Variants in ITGA9 observed in about 807,000 individuals in gnomAD.
ITGA9 encodes integrin subunit alpha 9, also known as integrin alpha-9.
Under a neutral mutation model 127.8 loss-of-function variants are expected in ITGA9, and 56 were observed. That is an observed-to-expected ratio of 0.44 (90% confidence interval 0.35 to 0.55). The LOEUF (loss-of-function observed/expected upper bound fraction) is 0.55. Ranked by LOEUF, ITGA9 falls within the 20% of genes least tolerant of loss-of-function variation. ITGA9 has a pLI of 0.00. For synonymous variants in ITGA9, 508 were observed against 514.5 expected (o/e 0.99, Z 0.17); for missense variants, 1,196 against 1,347.1 (o/e 0.89, Z 1.76).
intron 1 of ITGA9, among the ~76,000 whole-genome samples, chr3:37,464,823 C>T (rs1270150102): frequency 6.6e-6 from 1 of 152,206 alleles, no homozygotes; most frequent in East Asian, 1.9e-4. Flanking sequence ...CTCCATTGGG[C>T]AAGCATTGGT....
At chr3:37,717,839 G>C (rs1244190882) in intron 18 of ITGA9, among the ~76,000 whole-genome samples, 4 of 152,202 alleles carry the variant, frequency 2.6e-5, no homozygotes, top group African/African-American at 7.2e-5. Flanking sequence ...TCCAGTATTG[G>C]ATTCCATAAT....
intron 15 of ITGA9, among the ~76,000 whole-genome samples, chr3:37,607,114 C>G (rs762702816): frequency 1.4e-4 from 21 of 151,732 alleles, no homozygotes; most frequent in Non-Finnish European, 2.5e-4. Flanking sequence ...TCCTGAGTAA[C>G]TGGATCTATA....
rs572308628 is a variant in ITGA9 at position 37,818,971 on chromosome 3, G to A, written c.3090G>A (p.Trp1030Ter). The A allele has an allele frequency of 6.2e-7, 1 of 1,613,622 alleles. No homozygotes were observed. The highest frequency in any genetic ancestry group is 2.2e-5 in the East Asian group (1 of 44,876). ...AAGAGAATGAAGACAGTTGGGACTGGGTCCAGAAAAACCAGTGAGCTGCCA... is the reference window on the plus strand; with the variant it reads ...AAGAGAATGAAGACAGTTGGGACTGAGTCCAGAAAAACCAGTGAGCTGCCA... ...NRKENEDSWD[W>*]VQKNQ The change falls in exon 28 of 28, where the codon TGG becomes TGA. Residue 1030 changes from tryptophan (W) to a stop codon, truncating the protein, a stop_gained. Coordinates refer to ENST00000264741, the MANE Select transcript of ITGA9 (RefSeq NM_002207.3). LOFTEE classifies it high-confidence loss of function.
At chr3:37,500,356 A>AG (rs528408009) in intron 5 of ITGA9, among the ~76,000 whole-genome samples, 4 of 152,206 alleles carry the variant, frequency 2.6e-5, no homozygotes, top group Non-Finnish European at 5.9e-5. Flanking sequence ...GCTTCCTTCA[A>AG]GGGGGGTAGG....
At chr3:37,603,077 A>T (rs762313695) in intron 15 of ITGA9, among the ~76,000 whole-genome samples, 9 of 152,208 alleles carry the variant, frequency 5.9e-5, no homozygotes, top group Non-Finnish European at 1.3e-4. Flanking sequence ...GCTACACCCT[A>T]GCCTTTCAAT....
chr3:37,790,592 A>G, intron 26 of ITGA9: 2 of 236,218 alleles, frequency 8.5e-6, no homozygotes, highest in Non-Finnish European at 1.7e-5. Flanking sequence ...TTTACAGAGC[A>G]TTTGGGTGAA....
At chr3:37,525,060 A>G (rs1699080592) in intron 12 of ITGA9, among the ~76,000 whole-genome samples, 2 of 152,222 alleles carry the variant, frequency 1.3e-5, no homozygotes, top group Admixed American at 6.5e-5. Context: ...AGTGATGTAC[A>G]GATTCAGACC....
At chr3:37,794,854 A>G (rs564772593) in intron 26 of ITGA9, among the ~76,000 whole-genome samples, 1 of 152,292 alleles carries the variant, frequency 6.6e-6, no homozygotes, top group East Asian at 1.9e-4. Context: ...AGTCTTGCCA[A>G]ATGTACAGTT....
intron 18 of ITGA9, among the ~76,000 whole-genome samples, chr3:37,688,588 G>T (rs1005901661): frequency 6.6e-6 from 1 of 152,090 alleles, no homozygotes; most frequent in African/African-American, 2.4e-5. Context: ...CCTGAGCCTG[G>T]TCCTGCCTGC....
intron 1 of ITGA9, among the ~76,000 whole-genome samples, chr3:37,454,674 A>C (rs1698237392): frequency 6.6e-6 from 1 of 152,210 alleles, no homozygotes; most frequent in African/African-American, 2.4e-5. Context: ...TCTTTTTAAA[A>C]TAATGCTTCT....
intron 23 of ITGA9, among the ~76,000 whole-genome samples, chr3:37,754,634 A>G (rs1696628362): frequency 6.6e-6 from 1 of 152,188 alleles, no homozygotes; most frequent in Non-Finnish European, 1.5e-5. Flanking sequence ...ATAATTTTCT[A>G]AGGAGATATA....
chr3:37,781,539 A>G (rs1163008417), intron 25 of ITGA9, among the ~76,000 whole-genome samples: 1 of 152,210 alleles, frequency 6.6e-6, no homozygotes. Context: ...TTAAAAAACC[A>G]CCTCAACCAG....
At chr3:37,747,716 CTT>C (rs56897652) in intron 22 of ITGA9, among the ~76,000 whole-genome samples, 2 of 140,026 alleles carry the variant, frequency 1.4e-5, no homozygotes, top group Non-Finnish European at 1.5e-5. Flanking sequence ...CCTTTTTTTT[CTT>C]TTTTTTTTTT....
intron 18 of ITGA9, among the ~76,000 whole-genome samples, chr3:37,709,382 A>T (rs1701052302): frequency 6.6e-6 from 1 of 152,220 alleles, no homozygotes; most frequent in South Asian, 2.1e-4. Flanking sequence ...GGCACACAGG[A>T]CAGATCCTTT....
intron 18 of ITGA9, among the ~76,000 whole-genome samples, chr3:37,687,329 G>A (rs936438230): frequency 6.6e-6 from 1 of 152,272 alleles, no homozygotes; most frequent in Admixed American, 6.5e-5. Flanking sequence ...TTAATGATGC[G>A]GAGGTGTTTT....
chr3:37,480,928 G>A (rs1340272326), intron 3 of ITGA9, among the ~76,000 whole-genome samples: 2 of 152,164 alleles, frequency 1.3e-5, no homozygotes, highest in Non-Finnish European at 2.9e-5. Flanking sequence ...TCTCAACTGT[G>A]TAAGACTCTC....
chr3:37,663,710 C>T (rs1301376665), intron 17 of ITGA9, among the ~76,000 whole-genome samples: 1 of 152,130 alleles, frequency 6.6e-6, no homozygotes, highest in African/African-American at 2.4e-5. Flanking sequence ...GGGAAAGACA[C>T]CCTTGTTTAG....
chr3:37,803,817 T>C lies in ITGA9; in HGVS notation c.2890-6T>C, dbSNP rs1478424823. ...GAAATGTTTTCACTGTTGCGTTGCC[T>C]CCTAGGTGGTCTTCGAGGCCCTGCA... On this transcript the variant is annotated splice_polypyrimidine_tract_variant and splice_region_variant and intron_variant, in intron 26 of 27. Transcript: ENST00000264741. The C allele has an allele frequency of 1.2e-6, 2 of 1,614,004 alleles. No homozygotes were observed. Among genetic ancestry groups the C allele is most frequent in the Non-Finnish European group, 1.7e-6 (2 of 1,179,948 alleles).
At chr3:37,599,039 C>CT (rs1311191375) in intron 15 of ITGA9, among the ~76,000 whole-genome samples, 2 of 152,208 alleles carry the variant, frequency 1.3e-5, no homozygotes, top group African/African-American at 4.8e-5. Flanking sequence ...GCAGAGTTGC[C>CT]TTAAGACTGA....
Sources: allele counts gnomAD v4.1 joint callset (sites outside exome capture counted in the v4.1 genomes callset), GRCh38; gene constraint gnomAD v4.1.1; transcripts MANE v1.5; gene names NCBI Gene and HGNC (gene_info 2026-07-23, HGNC 2026-07-21).